CRAT: variants seen among roughly 807,000 people sequenced by gnomAD.
CRAT encodes carnitine O-acetyltransferase.
In CRAT, 66 loss-of-function variants were observed where a neutral mutation model predicts 73.7. The observed-to-expected ratio is 0.90, with a 90% confidence interval of 0.73 to 1.10. The LOEUF is 1.10. Ranked by LOEUF, CRAT falls within the 50% of genes least tolerant of loss-of-function variation. The probability of loss-of-function intolerance (pLI) is 0.00; values close to 1 mark genes in which losing one functional copy is unlikely to be tolerated. For synonymous variants in CRAT, 321 were observed against 343.2 expected, an observed-to-expected ratio of 0.94 and a Z score of 0.71; for missense variants, 745 against 846.9, an observed-to-expected ratio of 0.88 and a Z score of 1.49.
Position 129,100,679 on chromosome 9 carries a change from G to A in CRAT, c.816C>T (p.Asn272=), listed in dbSNP as rs1032098890. ...TCTGGATGGAGCGCACGGAATCCCG[G>A]TTCACCTTGTCTGCAGGTGGCATGG... The part of the protein sequence containing the change: ...AYNTLIKDKV[N]RDSVRSIQKS... The change falls in exon 7 of 14, where the codon AAC becomes AAT. Residue 272 remains asparagine (N), a synonymous_variant. Transcript: ENST00000318080. 1 of 1,613,414 alleles carries A rather than the reference G, an allele frequency of 6.2e-7. No individual in the cohort carries two copies. The highest frequency in any genetic ancestry group is 8.5e-7 in the Non-Finnish European group (1 of 1,179,588).
intron 2 of CRAT, among the ~76,000 whole-genome samples, chr9:129,105,545 C>T (rs896092224): frequency 4.6e-5 from 7 of 151,888 alleles, no homozygotes; most frequent in African/African-American, 7.3e-5. Flanking sequence ...TGGTCTTGAA[C>T]TCCTGACCTC....
chr9:129,095,432 C>T lies in CRAT; in HGVS notation c.1846G>A (p.Ala616Thr). 2 of 1,612,716 alleles carry T rather than the reference C, an allele frequency of 1.2e-6. No individual in the cohort carries two copies. Among genetic ancestry groups the T allele is most frequent in the Non-Finnish European group, 1.7e-6 (2 of 1,179,984 alleles). ...YLEKALLDMR[A>T]LLQSHPRAKL Reference sequence around the variant, plus strand: ...GCCCGGGGGTGGCTCTGCAGCAGGGCACGCATGTCCAGGAGCGCCTTCTCC... The same window carrying T: ...GCCCGGGGGTGGCTCTGCAGCAGGGTACGCATGTCCAGGAGCGCCTTCTCC... The change falls in exon 14 of 14, where the codon GCC becomes ACC. Residue 616 changes from alanine (A) to threonine (T), a missense_variant. Physicochemically the swap from Ala to Thr is moderately conservative, Grantham distance 58. Transcript: ENST00000318080.
chr9:129,107,365 A>T lies in CRAT; in HGVS notation c.291+449T>A, dbSNP rs1848077766. 2 of 523,088 alleles carry T rather than the reference A, an allele frequency of 3.8e-6. No homozygotes were observed. The highest frequency in any genetic ancestry group is 3.8e-5 in the African/African-American group (2 of 52,580). 32.4% of individuals were successfully genotyped at this position (523,088 alleles called of 1,614,324 possible). A position where few individuals can be genotyped will look rare whatever the true frequency, so the allele number is the denominator to read the frequency against. On this transcript the variant is annotated intron_variant, in intron 2 of 13. Transcript: ENST00000318080. The surrounding 1 kb of genome is among the most constrained non-coding windows in gnomAD (Gnocchi z 5.0). ...TTAAATCTGTGTATTGAAGTATGAG[A>T]TGCAAATAGAAAAGCACACCAAACA...
chr9:129,101,398 T>C (rs1176863057), intron 6 of CRAT, among the ~76,000 whole-genome samples: 2 of 152,216 alleles, frequency 1.3e-5, no homozygotes, highest in African/African-American at 4.8e-5. Flanking sequence ...TGCCATCATG[T>C]TCCCATGCTC....
chr9:129,108,983 G>A (rs938394264), intron 1 of CRAT: 51 of 1,229,076 alleles, frequency 4.1e-5, no homozygotes, highest in Admixed American at 3.9e-4. Context: ...CGGGGGTTGT[G>A]GCAGTGGCAG....
chr9:129,108,802 G>T (rs1409635455), intron 1 of CRAT: 2 of 1,304,332 alleles, frequency 1.5e-6, no homozygotes, highest in Admixed American at 4.6e-5. Context: ...TGGCAGGACT[G>T]AGGTTCTGGG....
chr9:129,108,389 C>T lies in CRAT; in HGVS notation c.28-312G>A, dbSNP rs544569282. On this transcript the variant is annotated intron_variant, in intron 1 of 13. Coordinates refer to ENST00000318080, the MANE Select transcript of CRAT (RefSeq NM_000755.5). ...GGGACCGCCCACCTGTTGGGTTGCA[C>T]AGGCCCCTCCTTTCTCACCCTGGAA... is the stretch of plus-strand genomic sequence containing the variant. 3.6e-5 allele frequency: 44 copies of T among 1,208,678 alleles called. 1 individual carries two copies. In the East Asian group the frequency reaches 1.9e-3, roughly 51 times the overall value. The allele number at this position is 1,208,678 out of a possible 1,614,324, so 74.9% of individuals were successfully genotyped here. A position where few individuals can be genotyped will look rare whatever the true frequency, so the allele number is the denominator to read the frequency against.
chr9:129,097,333 G>C (rs1037340339), intron 11 of CRAT, 21 bp from the exon 12 acceptor site: 1 of 1,551,894 alleles, frequency 6.4e-7, no homozygotes, highest in African/African-American at 1.4e-5. Context: ...GAGGGTCAGA[G>C]GGAGCTGAAG....
Position 129,105,860 on chromosome 9 carries a change from G to T in CRAT, c.292-1554C>A, listed in dbSNP as rs537215513. Among the ~76,000 whole-genome samples the T allele has an allele frequency of 2.1e-3, 320 of 152,138 alleles. 1 individual carries two copies. Among genetic ancestry groups the T allele is most frequent in the African/African-American group, 7.5e-3 (310 of 41,492 alleles). ...CGGTCTGTCCTCTCTCTGGGGGGTG[G>T]GGGGTCTCTGGGCACCAGCCAGGGA... On this transcript the variant is annotated intron_variant, in intron 2 of 13. Coordinates refer to ENST00000318080, the MANE Select transcript of CRAT (RefSeq NM_000755.5).
chr9:129,102,104 C>A, intron 5 of CRAT, 47 bp from the exon 6 acceptor site: 2 of 1,587,280 alleles, frequency 1.3e-6, no homozygotes, highest in South Asian at 1.1e-5. Flanking sequence ...GTGGGGACCT[C>A]AGGCTGAGAG....
chr9:129,097,795 C>T, intron 11 of CRAT: 1 of 633,922 alleles, frequency 1.6e-6, no homozygotes, highest in Admixed American at 3.1e-5. Context: ...CAGTTGCTTA[C>T]TGCCAATGAA....
At chr9:129,108,439 A>G in intron 1 of CRAT, 1 of 1,174,166 alleles carries the variant, frequency 8.5e-7, no homozygotes, top group African/African-American at 1.6e-5. Context: ...CAGAGTGGTG[A>G]CTGTCCCTCT....
rs1454957706 is a variant in CRAT, at chr9:129,096,064, G to A, written c.1599C>T (p.Ser533=). 2 of 1,614,052 alleles carry A rather than the reference G, an allele frequency of 1.2e-6. No homozygotes were observed. The highest frequency in any genetic ancestry group is 1.7e-6 in the Non-Finnish European group (2 of 1,180,040). ...AGGTGTCCATGAAGATGTCGGGCAT[G>A]CTCACCAGGTCCTCGATGGCCTGCA... ...LKLQAIEDLV[S]MPDIFMDTSY... The change falls in exon 13 of 14, where the codon AGC becomes AGT. Residue 533 remains serine (S), a synonymous_variant. Coordinates refer to ENST00000318080, the MANE Select transcript of CRAT (RefSeq NM_000755.5).
chr9:129,096,117 A>C lies in CRAT; in HGVS notation c.1546T>G (p.Phe516Val), dbSNP rs1248055950. Residue 516 changes from phenylalanine to valine, a missense_variant, in exon 13 of 14, where the codon TTT becomes GTT. Physicochemically the swap from Phe to Val is conservative, Grantham distance 50. Transcript: ENST00000318080. ...TTCAGGCCCAGCAGGTGTCGATCAAAGGCCTCCCCGCGGATGGCCTGTTGG... is the reference window on the plus strand; with the variant it reads ...TTCAGGCCCAGCAGGTGTCGATCAACGGCCTCCCCGCGGATGGCCTGTTGG... Reference protein sequence around the residue: ...YTDRAIRGEAFDRHLLGLKLQ... With the variant: ...YTDRAIRGEAVDRHLLGLKLQ... 1 of 1,613,510 alleles carries C rather than the reference A, an allele frequency of 6.2e-7. No homozygotes were observed. Among genetic ancestry groups the C allele is most frequent in the Admixed American group, 1.7e-5 (1 of 60,032 alleles).
At chr9:129,099,809 G>T in intron 8 of CRAT, 57 bp downstream of exon 8, 1 of 1,351,300 alleles carries the variant, frequency 7.4e-7, no homozygotes, top group East Asian at 2.3e-5. Flanking sequence ...TCTATCACCT[G>T]TGTGTCACCT....
rs879814998 is a variant in CRAT at position 129,106,119 on chromosome 9, T to TTTGGCAAGGGGTGAGGGGGAGGCAAC, written c.291+1669_291+1694dup. ...CCCCTGCAGCACTGGGCCACTAGCC[T>TTTGGCAAGGGGTGAGGGGGAGGCAAC]TTGGCAAGGGGTGAGGGGGAGGCAA... On this transcript the variant is annotated intron_variant, in intron 2 of 13. Transcript: ENST00000318080. This position sits in a 1 kb window ranked among gnomAD's most constrained non-coding sequence, Gnocchi z 4.0. Among the ~76,000 whole-genome samples the TTTGGCAAGGGGTGAGGGGGAGGCAAC allele has an allele frequency of 3.3e-5, 5 of 152,090 alleles. No individual in the cohort carries two copies. Among genetic ancestry groups the TTTGGCAAGGGGTGAGGGGGAGGCAAC allele is most frequent in the Admixed American group, 6.5e-5 (1 of 15,284 alleles).
intron 1 of CRAT, among the ~76,000 whole-genome samples, chr9:129,109,689 T>C (rs1003400538): frequency 6.6e-6 from 1 of 152,012 alleles, no homozygotes; most frequent in African/African-American, 2.4e-5. Context: ...TTGCAACACC[T>C]AAAAGAGCCT....
intron 13 of CRAT, 112 bp downstream of exon 13, chr9:129,095,886 C>T (rs1458199047): frequency 6.8e-7 from 1 of 1,465,014 alleles, no homozygotes; most frequent in Non-Finnish European, 9.4e-7. Context: ...CCAGCTCCTC[C>T]TCTGGAACTC....
chr9:129,095,574 G>C lies in CRAT; in HGVS notation c.1704C>G (p.Pro568=). The C allele has an allele frequency of 6.2e-7, 1 of 1,613,268 alleles. No individual in the cohort carries two copies. The highest frequency in any genetic ancestry group is 8.5e-7 in the Non-Finnish European group (1 of 1,179,980). Residue 568 remains proline (P), a synonymous_variant, in exon 14 of 14, where the codon CCC becomes CCG. Transcript: ENST00000318080. ...AKTDCVMFFG[P]VVPDGYGVCY... is the part of the protein sequence containing the mutation. ...AGACACCGTAGCCGTCGGGGACCAC[G>C]GGCCCGAAGAACATGACACAGTCTG... is the stretch of plus-strand genomic sequence containing the variant.
Sources: gnomAD v4.1 joint callset for allele counts (sites outside exome capture counted in the v4.1 genomes callset) on GRCh38, gnomAD v4.1.1 for gene constraint, Gnocchi (gnomAD v3.1) non-coding constraint, MANE v1.5 for transcripts, NCBI Gene and HGNC (gene_info 2026-07-23, HGNC 2026-07-21) for gene names.